The following TDRD7 variants were observed in gnomAD, a reference collection of about 807,000 sequenced individuals.
The protein encoded by TDRD7 is tudor domain-containing protein 7.
Under a neutral mutation model 109.8 loss-of-function variants are expected in TDRD7, and 47 were observed. The ratio of observed to expected loss-of-function variants is 0.43; its 90% CI spans 0.34 to 0.55. The LOEUF is 0.55. Among genes scored for constraint, TDRD7 ranks in the 20% least tolerant of loss-of-function variants. The pLI, the probability that TDRD7 is intolerant of heterozygous loss-of-function variation, is 0.03. For missense variants in TDRD7, 1,164 were observed against 1,319.2 expected (o/e 0.88, Z 1.82); for synonymous variants, 424 against 457.3 (o/e 0.93, Z 0.93).
chr9:97,468,607 TTGTC>T (rs2063667112), intron 8 of TDRD7, among the ~76,000 whole-genome samples: 1 of 152,210 alleles, frequency 6.6e-6, no homozygotes, highest in Admixed American at 6.5e-5. Context: ...GAATTGAACT[TTGTC>T]TGGTGGTAAG....
Position 97,460,280 on chromosome 9 carries a change from C to G in TDRD7, c.958C>G (p.Pro320Ala). Residue 320 changes from proline (P) to alanine (A), a missense_variant, in exon 7 of 17, where the codon CCA (proline) becomes GCA (alanine). Pro to Ala is a conservative substitution (Grantham distance 27, BLOSUM62 -1). Around this residue, in one of 5 missense-constraint regions of TDRD7, gnomAD observed 407 missense variants for 394.0 expected, o/e 1.03. Transcript: ENST00000355295. ...GGATACTGAGAAAGTACCTCTATCC[C>G]CACTACCTGGTCCCAAACAAACACC... ...ELDTEKVPLS[P>A]LPGPKQTPPL... 6.2e-7 allele frequency: 1 copy of G among 1,614,212 alleles called. No homozygotes were observed. The highest frequency in any genetic ancestry group is 2.2e-5 in the East Asian group (1 of 44,882).
intron 4 of TDRD7, 110 bp downstream of exon 4, chr9:97,432,348 T>G: frequency 1.0e-6 from 1 of 959,260 alleles, no homozygotes; most frequent in Non-Finnish European, 1.7e-6. Flanking sequence ...AGTTCACATA[T>G]AGTAGAGACA....
intron 13 of TDRD7, 53 bp from the exon 14 acceptor site, chr9:97,480,775 A>G: frequency 7.3e-7 from 1 of 1,369,946 alleles, no homozygotes; most frequent in Non-Finnish European, 1.0e-6. Flanking sequence ...CATTACTCAT[A>G]ACTAGGTATT....
At chr9:97,495,537 C>T in intron 16 of TDRD7, 126 bp from the exon 17 acceptor site, 1 of 898,338 alleles carries the variant, frequency 1.1e-6, no homozygotes, top group Non-Finnish European at 1.9e-6. Flanking sequence ...TTTTTCAGTT[C>T]AGGCAAGTCT....
intron 1 of TDRD7, among the ~76,000 whole-genome samples, chr9:97,415,846 C>T (rs757017204): frequency 2.0e-5 from 3 of 152,114 alleles, no homozygotes; most frequent in Non-Finnish European, 4.4e-5. Context: ...ATAGTTAGAA[C>T]AAAGTATTCT....
chr9:97,449,326 A>G (rs1195463752), intron 6 of TDRD7, among the ~76,000 whole-genome samples: 5 of 152,180 alleles, frequency 3.3e-5, no homozygotes, highest in South Asian at 2.1e-4. Flanking sequence ...CAGATCCCAC[A>G]GGGTGAAGGC....
intron 1 of TDRD7, among the ~76,000 whole-genome samples, chr9:97,427,955 A>G (rs763845985): frequency 2.0e-5 from 3 of 152,208 alleles, no homozygotes; most frequent in African/African-American, 4.8e-5. Context: ...AAATGCAAAC[A>G]TGAGCATAAT....
chr9:97,459,271 A>T (rs1034343334), intron 6 of TDRD7, among the ~76,000 whole-genome samples: 1 of 152,236 alleles, frequency 6.6e-6, no homozygotes, highest in Admixed American at 6.5e-5. Context: ...ATAAATGAGC[A>T]TGACTGTGTT....
At chr9:97,483,433 G>A (rs1264071992) in intron 15 of TDRD7, 82 bp downstream of exon 15, 6 of 1,516,318 alleles carry the variant, frequency 4.0e-6, no homozygotes, top group Non-Finnish European at 4.5e-6. Flanking sequence ...TTGGCGGGGG[G>A]ACTTCGAACT....
At chr9:97,461,140 C>CA (rs753213087) in intron 7 of TDRD7, among the ~76,000 whole-genome samples, 1,086 of 88,864 alleles carry the variant, frequency 0.012, 11 homozygotes, top group African/African-American at 0.036. Context: ...GACTCCATCT[C>CA]AAAAAAAAAA....
intron 16 of TDRD7, among the ~76,000 whole-genome samples, chr9:97,494,872 G>A (rs1424508332): frequency 4.0e-5 from 6 of 151,700 alleles, no homozygotes; most frequent in South Asian, 2.1e-4. Context: ...CATTACACCC[G>A]GCTAATTTTT....
At chr9:97,421,810 C>T (rs1587857352) in intron 1 of TDRD7, among the ~76,000 whole-genome samples, 1 of 151,766 alleles carries the variant, frequency 6.6e-6, no homozygotes, top group East Asian at 1.9e-4. Flanking sequence ...ACCCATGTGC[C>T]TTGGTCTCCC....
intron 1 of TDRD7, among the ~76,000 whole-genome samples, chr9:97,417,126 G>A (rs1430835638): frequency 6.6e-6 from 1 of 152,078 alleles, no homozygotes; most frequent in Non-Finnish European, 1.5e-5. Flanking sequence ...TATGTCCCAG[G>A]TAGAGAGAAT....
intron 6 of TDRD7, among the ~76,000 whole-genome samples, chr9:97,442,682 A>G (rs901378602): frequency 6.6e-6 from 1 of 152,220 alleles, no homozygotes; most frequent in Non-Finnish European, 1.5e-5. Flanking sequence ...AGGATTATGT[A>G]TGCTTTGGTA....
intron 2 of TDRD7, 27 bp from the exon 3 acceptor site, chr9:97,430,906 T>C (rs1564195931): frequency 6.2e-7 from 1 of 1,613,520 alleles, no homozygotes; most frequent in East Asian, 2.2e-5. Context: ...GAAATGTTTC[T>C]CCTCTTACCC....
chr9:97,438,230 T>C (rs370595478), intron 4 of TDRD7, among the ~76,000 whole-genome samples: 1 of 152,242 alleles, frequency 6.6e-6, no homozygotes, highest in Non-Finnish European at 1.5e-5. Flanking sequence ...GATGATCTTA[T>C]AATTGCATAT....
intron 6 of TDRD7, among the ~76,000 whole-genome samples, chr9:97,456,443 G>T (rs1180833093): frequency 6.6e-6 from 1 of 152,190 alleles, no homozygotes; most frequent in African/African-American, 2.4e-5. Flanking sequence ...CAAGGCTAGA[G>T]AAACCAAAAC....
intron 6 of TDRD7, among the ~76,000 whole-genome samples, chr9:97,450,121 C>G (rs7034581): frequency 0.89 from 134,689 of 151,732 alleles, 59,966 homozygotes; most frequent in African/African-American, 0.93. Context: ...ACTCCATGGT[C>G]TAGGGAGTTC....
chr9:97,487,673 T>A (rs1190563078), intron 16 of TDRD7, among the ~76,000 whole-genome samples: 1 of 151,512 alleles, frequency 6.6e-6, no homozygotes, highest in Admixed American at 6.6e-5. Context: ...GGTGGTTTTA[T>A]GGTTGTCCTA....
Sources: allele counts gnomAD v4.1 joint callset (sites outside exome capture counted in the v4.1 genomes callset), GRCh38; gene constraint gnomAD v4.1.1; regional missense constraint gnomAD v4.1.1; transcripts MANE v1.5; gene names NCBI Gene and HGNC (gene_info 2026-07-23, HGNC 2026-07-21).